Variants in GRID1 observed in about 807,000 individuals in gnomAD.
GRID1 encodes glutamate receptor ionotropic, delta-1.
In GRID1, 28 loss-of-function variants were observed where a neutral mutation model predicts 98.0. The ratio of observed to expected loss-of-function variants is 0.29; its 90% confidence interval spans 0.21 to 0.39. The LOEUF is 0.39. GRID1 is among the 10% of genes least tolerant of loss of function. The pLI, the probability that GRID1 is intolerant of heterozygous loss-of-function variation, is 1.00. For synonymous variants in GRID1, 553 were observed against 538.5 expected (o/e 1.03, Z -0.37); for missense variants, 1,111 against 1,340.5 (o/e 0.83, Z 2.67).
intron 2 of GRID1, among the ~76,000 whole-genome samples, chr10:86,318,126 C>A (rs1472178279): frequency 6.6e-6 from 1 of 152,202 alleles, no homozygotes; most frequent in Non-Finnish European, 1.5e-5. Flanking sequence ...GAGCCTCACC[C>A]CACTGCCTGC....
At chr10:86,223,789 C>T (rs1405543887) in intron 2 of GRID1, among the ~76,000 whole-genome samples, 1 of 152,220 alleles carries the variant, frequency 6.6e-6, no homozygotes, top group Non-Finnish European at 1.5e-5. Context: ...GTGTCTATCA[C>T]AGACGAAGGA....
intron 12 of GRID1, among the ~76,000 whole-genome samples, chr10:85,689,013 C>T (rs1049929794): frequency 2.0e-5 from 3 of 152,166 alleles, no homozygotes; most frequent in Admixed American, 6.6e-5. Context: ...TTGGTTTTAG[C>T]ACTTTGTTCC....
chr10:86,296,530 G>T lies in GRID1; in HGVS notation c.235+67411C>A, dbSNP rs1902691. On this transcript the variant is annotated intron_variant, in intron 2 of 15. Transcript: ENST00000327946. ...GAGGCAGGCAGATCACTTGAGATCA[G>T]GAGTTCAAGACCAGCCTGGCCAACA... 7.2e-5 allele frequency among the ~76,000 whole-genome samples: 11 copies of T among 152,112 alleles called. No homozygotes were observed. The South Asian group carries it at 1.0e-3, about 14-fold the overall frequency.
intron 4 of GRID1, among the ~76,000 whole-genome samples, chr10:85,996,118 C>T (rs1355359879): frequency 6.6e-6 from 1 of 152,196 alleles, no homozygotes; most frequent in East Asian, 1.9e-4. Context: ...AAAATATCAA[C>T]ACCTTTCACA....
At chr10:85,649,251 C>T (rs896553928) in intron 12 of GRID1, among the ~76,000 whole-genome samples, 2 of 152,178 alleles carry the variant, frequency 1.3e-5, no homozygotes, top group Non-Finnish European at 2.9e-5. Context: ...CCCCTTGCTT[C>T]GGAGACACAT....
At chr10:85,754,245 T>C (rs1756606053) in intron 8 of GRID1, among the ~76,000 whole-genome samples, 1 of 152,186 alleles carries the variant, frequency 6.6e-6, no homozygotes, top group African/African-American at 2.4e-5. Flanking sequence ...TTCACAGAGT[T>C]GTTTCTTCTA....
intron 13 of GRID1, among the ~76,000 whole-genome samples, chr10:85,635,672 G>A (rs1355365375): frequency 2.6e-5 from 4 of 152,202 alleles, no homozygotes; most frequent in Admixed American, 2.6e-4. Flanking sequence ...AGTCTAGCAG[G>A]GCTGTGACAG....
intron 2 of GRID1, among the ~76,000 whole-genome samples, chr10:86,212,035 G>C (rs972340301): frequency 6.6e-6 from 1 of 152,152 alleles, no homozygotes; most frequent in Non-Finnish European, 1.5e-5. Context: ...AGGTGAGAAA[G>C]GTGCCCTCAG....
intron 2 of GRID1, among the ~76,000 whole-genome samples, chr10:86,314,894 G>A (rs750169541): frequency 5.0e-4 from 76 of 152,140 alleles, no homozygotes; most frequent in Non-Finnish European, 9.7e-4. Flanking sequence ...CCATCACAGA[G>A]CCACCAAGGC....
At chr10:85,746,153 C>T (rs941861109) in intron 8 of GRID1, among the ~76,000 whole-genome samples, 2 of 152,118 alleles carry the variant, frequency 1.3e-5, no homozygotes, top group Admixed American at 6.6e-5. Context: ...AGGTTGAAAA[C>T]CATACTTGGG....
At chr10:85,766,642 A>G (rs191137694) in intron 8 of GRID1, among the ~76,000 whole-genome samples, 1 of 152,226 alleles carries the variant, frequency 6.6e-6, no homozygotes, top group East Asian at 1.9e-4. Flanking sequence ...CATTAAATTC[A>G]AAAGGATTAT....
chr10:86,087,580 C>T (rs2131935790), intron 4 of GRID1, among the ~76,000 whole-genome samples: 1 of 151,742 alleles, frequency 6.6e-6, no homozygotes, highest in East Asian at 1.9e-4. Flanking sequence ...AGACAGAGAC[C>T]AGGCCAGCTC....
intron 2 of GRID1, among the ~76,000 whole-genome samples, chr10:86,215,331 G>A (rs1322177419): frequency 1.3e-5 from 2 of 152,206 alleles, no homozygotes; most frequent in African/African-American, 2.4e-5. Context: ...CAGGAGGGTG[G>A]GGAAGAGCTG....
At chr10:85,987,330 A>C (rs1160160406) in intron 4 of GRID1, among the ~76,000 whole-genome samples, 2 of 129,988 alleles carry the variant, frequency 1.5e-5, no homozygotes, top group Non-Finnish European at 3.3e-5. Context: ...TCCCACTCTC[A>C]CTTCTTCCCA....
At chr10:85,902,075 AT>A (rs533873394) in intron 5 of GRID1, among the ~76,000 whole-genome samples, 250 of 152,366 alleles carry the variant, frequency 1.6e-3, no homozygotes, top group African/African-American at 5.6e-3. Flanking sequence ...GATTTTAAAA[AT>A]AAGGCACTAA....
At chr10:86,125,131 G>C (rs1185368361) in intron 4 of GRID1, among the ~76,000 whole-genome samples, 1 of 152,240 alleles carries the variant, frequency 6.6e-6, no homozygotes, top group Non-Finnish European at 1.5e-5. Flanking sequence ...TGCACCCACA[G>C]CAAGGACTGG....
chr10:86,160,092 T>G (rs1845300716), intron 3 of GRID1, among the ~76,000 whole-genome samples: 1 of 152,052 alleles, frequency 6.6e-6, no homozygotes. Flanking sequence ...AAAGCACAAC[T>G]GTCCATGCCA....
chr10:86,144,792 T>C (rs1268261155), intron 3 of GRID1, among the ~76,000 whole-genome samples: 4 of 152,178 alleles, frequency 2.6e-5, no homozygotes, highest in Admixed American at 2.0e-4. Flanking sequence ...TGGTACCACC[T>C]GCCATGTCTG....
At chr10:85,689,614 A>C (rs1841310648) in intron 12 of GRID1, among the ~76,000 whole-genome samples, 1 of 152,192 alleles carries the variant, frequency 6.6e-6, no homozygotes, top group Non-Finnish European at 1.5e-5. Flanking sequence ...AAAAACCAAA[A>C]GATAGCATGG....
Sources: gnomAD v4.1 joint callset for allele counts (sites outside exome capture counted in the v4.1 genomes callset) on GRCh38, gnomAD v4.1.1 for gene constraint, MANE v1.5 for transcripts, NCBI Gene and HGNC (gene_info 2026-07-23, HGNC 2026-07-21) for gene names.